Variants in ABCG1 observed in about 807,000 individuals in gnomAD.
ABCG1 encodes ATP binding cassette subfamily G member 1, also known as ATP-binding cassette sub-family G member 1.
Under a neutral mutation model 69.2 loss-of-function variants are expected in ABCG1, and 29 were observed. That is an observed-to-expected ratio of 0.42 (90% CI 0.31 to 0.57). ABCG1 has a LOEUF of 0.57. Among genes scored for constraint, ABCG1 ranks in the 20% least tolerant of loss-of-function variants. The pLI, the probability that ABCG1 is intolerant of heterozygous loss-of-function variation, is 0.15. For synonymous variants in ABCG1, 370 were observed against 374.8 expected (o/e 0.99, Z 0.15); for missense variants, 718 against 898.1 (o/e 0.80, Z 2.56).
rs2068647905 is a variant in ABCG1 at position 42,273,234 on chromosome 21, C to T, written c.405-69C>T. On this transcript the variant is annotated intron_variant, in intron 3 of 14. Coordinates refer to ENST00000398449, the MANE Select transcript of ABCG1 (RefSeq NM_016818.3). The surrounding 1 kb of genome is among the most constrained non-coding windows in gnomAD (Gnocchi z 5.3). ...GCAAGCCCCCGTCTCTGGCTCCCCT[C>T]TCCTGCCCCGGGAGGTGGAGGAGGA... The T allele has an allele frequency of 4.5e-6, 7 of 1,556,506 alleles. No individual in the cohort carries two copies. The highest frequency in any genetic ancestry group is 1.4e-5 in the African/African-American group (1 of 73,844).
rs1336985713 is a variant in ABCG1, at chr21:42,249,097, C to CA, written c.287-21972dup. 4.4e-4 allele frequency among the ~76,000 whole-genome samples: 67 copies of CA among 152,070 alleles called. 1 individual carries two copies. Among genetic ancestry groups the CA allele is most frequent in the Admixed American group, 4.3e-3 (66 of 15,270 alleles). On this transcript the variant is annotated intron_variant, in intron 2 of 14. Coordinates refer to ENST00000398449, the MANE Select transcript of ABCG1 (RefSeq NM_016818.3). ...GATGCCTTTTCTAAAAACTTCAAAACATTCAAAAGTCACCAAAATTGTTAA... is the reference window on the plus strand; with the variant it reads ...GATGCCTTTTCTAAAAACTTCAAAACAATTCAAAAGTCACCAAAATTGTTAA...
At chr21:42,280,297 A>G (rs1198683395) in intron 5 of ABCG1, among the ~76,000 whole-genome samples, 4 of 152,178 alleles carry the variant, frequency 2.6e-5, no homozygotes, top group Admixed American at 6.5e-5. Flanking sequence ...TGGAAACACA[A>G]TGGGATGGAA....
intron 2 of ABCG1, among the ~76,000 whole-genome samples, chr21:42,234,632 G>A (rs540326264): frequency 3.5e-4 from 54 of 152,344 alleles, no homozygotes; most frequent in African/African-American, 1.2e-3. Context: ...CGGAAGGCCG[G>A]GCTCTGCCCA....
At chr21:42,265,419 CAT>C (rs560676174) in intron 2 of ABCG1, among the ~76,000 whole-genome samples, 4 of 152,308 alleles carry the variant, frequency 2.6e-5, no homozygotes, top group African/African-American at 9.6e-5. Flanking sequence ...CCCCTGATCT[CAT>C]ATGACAGCTG....
Position 42,291,069 on chromosome 21 carries a change from T to G in ABCG1, c.1394-23T>G. On this transcript the variant is annotated intron_variant, in intron 11 of 14. Coordinates refer to ENST00000398449, the MANE Select transcript of ABCG1 (RefSeq NM_016818.3). This position sits in a 1 kb window ranked among gnomAD's most constrained non-coding sequence, Gnocchi z 6.4. Reference sequence around the variant, plus strand: ...CGCTGCACATGGTCACTGACCCTTCTTTTTTGCTTTTCTATCTCCTAGTTC... The same window carrying G: ...CGCTGCACATGGTCACTGACCCTTCGTTTTTGCTTTTCTATCTCCTAGTTC... The G allele has an allele frequency of 6.3e-7, 1 of 1,590,066 alleles. No homozygotes were observed. The highest frequency in any genetic ancestry group is 1.3e-5 in the African/African-American group (1 of 74,566).
In ABCG1 at chr21:42,285,935, T is replaced by C. The variant is rs765650540; in HGVS notation, c.914T>C (p.Val305Ala). Residue 305 changes from valine to alanine, a missense_variant, in exon 8 of 15, where the codon GTG (valine) becomes GCG (alanine). By Grantham distance (64) the Val-to-Ala change is moderately conservative. This residue lies in a region of ABCG1 where 514 missense variants were observed against 574.3 expected (regional missense o/e 0.90). Coordinates refer to ENST00000398449, the MANE Select transcript of ABCG1 (RefSeq NM_016818.3). ...CVYRGKVCNL[V>A]PYLRDLGLNC... ...TACCGGGGAAAAGTCTGCAATCTTG[T>C]GCCATATTTGAGGGATTTGGGTCTG... 4 of 1,614,020 alleles carry C rather than the reference T, an allele frequency of 2.5e-6. No homozygotes were observed. The highest frequency in any genetic ancestry group is 3.4e-6 in the Non-Finnish European group (4 of 1,180,032).
intron 2 of ABCG1, among the ~76,000 whole-genome samples, chr21:42,228,075 A>G (rs1050410057): frequency 8.5e-5 from 13 of 152,164 alleles, no homozygotes; most frequent in Non-Finnish European, 4.4e-5. Flanking sequence ...ATATTCTCTA[A>G]GTGTTTAAAC....
chr21:42,279,562 G>T (rs1472150802), intron 5 of ABCG1, among the ~76,000 whole-genome samples: 1 of 152,228 alleles, frequency 6.6e-6, no homozygotes, highest in African/African-American at 2.4e-5. Flanking sequence ...CCTGCCTTTT[G>T]GGGCAGTGCA....
At chr21:42,250,471 A>G (rs1169117989) in intron 2 of ABCG1, among the ~76,000 whole-genome samples, 1 of 152,184 alleles carries the variant, frequency 6.6e-6, no homozygotes, top group Non-Finnish European at 1.5e-5. Flanking sequence ...AGGCAGCCGC[A>G]TGCAGTGGTG....
chr21:42,277,544 C>A (rs1267312913), intron 5 of ABCG1, among the ~76,000 whole-genome samples: 1 of 152,064 alleles, frequency 6.6e-6, no homozygotes, highest in Admixed American at 6.5e-5. Flanking sequence ...CAGCAGAAAG[C>A]CACACAGAGG....
chr21:42,236,201 G>T (rs762928997), intron 2 of ABCG1, among the ~76,000 whole-genome samples: 1 of 152,248 alleles, frequency 6.6e-6, no homozygotes, highest in Non-Finnish European at 1.5e-5. Context: ...GCTGGAATCC[G>T]GAGATCATGC....
rs764496554 is a variant in ABCG1 at position 42,273,458 on chromosome 21, C to T, written c.537+23C>T. 1 of 1,590,694 alleles carries T rather than the reference C, an allele frequency of 6.3e-7. No individual in the cohort carries two copies. The highest frequency in any genetic ancestry group is 1.4e-5 in the African/African-American group (1 of 72,706). On this transcript the variant is annotated intron_variant, in intron 4 of 14. Transcript: ENST00000398449. The surrounding 1 kb of genome is among the most constrained non-coding windows in gnomAD (Gnocchi z 5.3). ...ATGGTGAGCTCCGCCCTGCCCCGCC[C>T]CACTCCGCCCCTGCCGCCTGTCCCC... is the stretch of plus-strand genomic sequence containing the variant.
chr21:42,213,839 C>T (rs1039381432), upstream of ABCG1, among the ~76,000 whole-genome samples: 6 of 152,234 alleles, frequency 3.9e-5, no homozygotes, highest in African/African-American at 1.4e-4. Flanking sequence ...GTGCCTGCCC[C>T]ATCCTTGCAT....
chr21:42,200,345 C>T (rs2067496521), intron 1 of ABCG1, among the ~76,000 whole-genome samples: 1 of 152,190 alleles, frequency 6.6e-6, no homozygotes. Context: ...TGGGTACATC[C>T]CATGGCTTCC....
chr21:42,217,831 A>G (rs1195508109), upstream of ABCG1, among the ~76,000 whole-genome samples: 1 of 151,708 alleles, frequency 6.6e-6, no homozygotes, highest in African/African-American at 2.4e-5. Context: ...AGCTGGGACT[A>G]CAGGTGCCCG....
chr21:42,284,446 T>G, intron 6 of ABCG1, 114 bp from the exon 7 acceptor site: 1 of 1,331,338 alleles, frequency 7.5e-7, no homozygotes, highest in Non-Finnish European at 1.0e-6. Flanking sequence ...CAGCTGCAGC[T>G]GCAGCCCCTG....
At position 42,285,913 on chromosome 21, in the gene ABCG1, C is replaced by T. The variant is rs140116524; in HGVS notation, c.892C>T (p.Arg298Trp). ...CCTGAGTCAAGGACAATGTGTGTAC[C>T]GGGGAAAAGTCTGCAATCTTGTGCC... ...YVLSQGQCVY[R>W]GKVCNLVPYL... is the part of the protein sequence containing the mutation. The change falls in exon 8 of 15, where the codon CGG becomes TGG. Residue 298 changes from arginine (R) to tryptophan (W), a missense_variant. Coordinates refer to ENST00000398449, the MANE Select transcript of ABCG1 (RefSeq NM_016818.3). The T allele has an allele frequency of 1.4e-4, 223 of 1,613,790 alleles. No homozygotes were observed. Among genetic ancestry groups the T allele is most frequent in the Admixed American group, 1.8e-4 (11 of 59,982 alleles).
chr21:42,274,826 C>T (rs1047418832), intron 4 of ABCG1, among the ~76,000 whole-genome samples: 1 of 152,080 alleles, frequency 6.6e-6, no homozygotes, highest in African/African-American at 2.4e-5. Context: ...ACCACACAGA[C>T]CTAACTGTGA....
At chr21:42,274,059 C>A (rs2068665946) in intron 4 of ABCG1, among the ~76,000 whole-genome samples, 1 of 152,246 alleles carries the variant, frequency 6.6e-6, no homozygotes, top group Admixed American at 6.5e-5. Context: ...CCACACGTGG[C>A]CAGGGCTGTC....
Sources: allele counts gnomAD v4.1 joint callset (sites outside exome capture counted in the v4.1 genomes callset), GRCh38; gene constraint gnomAD v4.1.1; regional missense constraint gnomAD v4.1.1; non-coding constraint Gnocchi (gnomAD v3.1); transcripts MANE v1.5; gene names NCBI Gene and HGNC (gene_info 2026-07-23, HGNC 2026-07-21).